The following TRDN variants were observed in gnomAD, a reference collection of about 807,000 sequenced individuals.
TRDN encodes triadin, also known as triadin in skeletal muscle.
Under a neutral mutation model 149.7 loss-of-function variants are expected in TRDN, and 161 were observed. That is an observed-to-expected ratio of 1.08 (90% CI 0.95 to 1.23). The LOEUF is 1.23. TRDN is among the 50% of genes most tolerant of loss of function. The pLI is 0.00. For synonymous variants in TRDN, 294 were observed against 250.5 expected (o/e 1.17, Z -1.64); for missense variants, 896 against 823.5 (o/e 1.09, Z -1.08).
At chr6:123,456,032 A>AC (rs1309927024) in intron 10 of TRDN, among the ~76,000 whole-genome samples, 2 of 152,204 alleles carry the variant, frequency 1.3e-5, no homozygotes, top group Non-Finnish European at 2.9e-5. Flanking sequence ...AACATACATT[A>AC]CCTTAAAGTA....
At chr6:123,244,166 C>CA (rs1776092096) in intron 38 of TRDN, among the ~76,000 whole-genome samples, 1 of 152,088 alleles carries the variant, frequency 6.6e-6, no homozygotes, top group Admixed American at 6.6e-5. Flanking sequence ...CTGAAAATTC[C>CA]AAAAACTAGA....
intron 24 of TRDN, among the ~76,000 whole-genome samples, chr6:123,314,393 T>G (rs897708892): frequency 9.9e-5 from 15 of 152,036 alleles, no homozygotes; most frequent in African/African-American, 3.4e-4. Flanking sequence ...TATACAATGT[T>G]GGTGGGACTG....
chr6:123,385,953 A>T (rs1353854567), intron 14 of TRDN, among the ~76,000 whole-genome samples: 1 of 152,118 alleles, frequency 6.6e-6, no homozygotes, highest in African/African-American at 2.4e-5. Flanking sequence ...AAAAAAAATC[A>T]TTCCTTGCCT....
intron 23 of TRDN, among the ~76,000 whole-genome samples, chr6:123,330,358 T>G (rs1289090170): frequency 1.3e-5 from 2 of 152,038 alleles, no homozygotes; most frequent in Non-Finnish European, 2.9e-5. Context: ...AATGTTTTGG[T>G]AAGTCCAGGA....
intron 38 of TRDN, among the ~76,000 whole-genome samples, chr6:123,235,521 T>A (rs535729646): frequency 6.6e-6 from 1 of 152,280 alleles, no homozygotes; most frequent in East Asian, 1.9e-4. Context: ...CAAAAAGCTA[T>A]CTTTCACAAG....
intron 19 of TRDN, among the ~76,000 whole-genome samples, chr6:123,367,338 G>A (rs1424751826): frequency 6.6e-6 from 1 of 151,912 alleles, no homozygotes; most frequent in East Asian, 1.9e-4. Context: ...GTATTTGTTT[G>A]TATCACCCTT....
In TRDN at chr6:123,219,285, C is replaced by G. The variant is rs558718231; in HGVS notation, c.2051-545G>C. ...CAAAGGTAGCAGCCAGGTAGCAGCT[C>G]TGAGTAGAAAGCAAAACAGGAAAGT... On this transcript the variant is annotated intron_variant, in intron 40 of 40. Coordinates refer to ENST00000334268, the MANE Select transcript of TRDN (RefSeq NM_006073.4). 1.1e-4 allele frequency among the ~76,000 whole-genome samples: 16 copies of G among 151,890 alleles called. No homozygotes were observed. In the South Asian group the frequency reaches 3.3e-3, roughly 32 times the overall value.
At chr6:123,628,546 C>G (rs1583347542) in intron 1 of TRDN, among the ~76,000 whole-genome samples, 1 of 152,064 alleles carries the variant, frequency 6.6e-6, no homozygotes, top group Admixed American at 6.5e-5. Flanking sequence ...GACACAGAGA[C>G]AGGAAATGAA....
At chr6:123,301,740 T>TATATATAC (rs1778404003) in intron 24 of TRDN, among the ~76,000 whole-genome samples, 1 of 131,034 alleles carries the variant, frequency 7.6e-6, no homozygotes, top group East Asian at 2.4e-4. Context: ...TATGTATGTA[T>TATATATAC]GTATATATAT....
rs534289772 is a variant in TRDN at position 123,584,121 on chromosome 6, A to G, written c.23-12989T>C. On this transcript the variant is annotated intron_variant, in intron 1 of 40. Transcript: ENST00000334268. ...AAATGGGGTGAATGTCAGGAGGATC[A>G]GACAGATACAGTCATGGAGGTCGGG... is the stretch of plus-strand genomic sequence containing the variant. 2.6e-5 allele frequency among the ~76,000 whole-genome samples: 4 copies of G among 152,300 alleles called. No individual in the cohort carries two copies. In the South Asian group the frequency reaches 8.3e-4, roughly 32 times the overall value.
intron 24 of TRDN, among the ~76,000 whole-genome samples, chr6:123,291,400 TA>T (rs879108833): frequency 6.6e-6 from 1 of 151,654 alleles, no homozygotes; most frequent in Non-Finnish European, 1.5e-5. Context: ...CTGTCTCTAC[TA>T]AAAAATACAA....
chr6:123,534,133 T>C (rs1780401052), intron 4 of TRDN, among the ~76,000 whole-genome samples: 1 of 152,034 alleles, frequency 6.6e-6, no homozygotes, highest in African/African-American at 2.4e-5. Flanking sequence ...CACAGTAAAG[T>C]CTCTAGAGCT....
Position 123,548,602 on chromosome 6 carries a change from A to C in TRDN, c.243T>G (p.Ile81Met). 1 of 1,427,936 alleles carries C rather than the reference A, an allele frequency of 7.0e-7. No individual in the cohort carries two copies. The highest frequency in any genetic ancestry group is 9.2e-7 in the Non-Finnish European group (1 of 1,090,780). The allele number at this position is 1,427,936 out of a possible 1,614,324, so 88.5% of individuals were successfully genotyped here. The part of the protein sequence containing the change: ...VDYKNFSASS[I>M]AKIGSDPLKL... The stretch of plus-strand genomic sequence containing the variant: ...TTAAAGGATCTGAGCCAATCTTGGC[A>C]ATAGAGCTTGCTAAAAGTAATTAAA... The change falls in exon 3 of 41, where the codon ATT (isoleucine) becomes ATG (methionine). Residue 81 changes from isoleucine to methionine, a missense_variant. Physicochemically the swap from Ile to Met is conservative, Grantham distance 10 (BLOSUM62 1). Coordinates refer to ENST00000334268, the MANE Select transcript of TRDN (RefSeq NM_006073.4).
intron 2 of TRDN, among the ~76,000 whole-genome samples, chr6:123,566,925 A>G (rs1782323665): frequency 6.6e-6 from 1 of 152,220 alleles, no homozygotes; most frequent in African/African-American, 2.4e-5. Context: ...ATTATCATTG[A>G]AAGGAATTTG....
intron 36 of TRDN, 80 bp downstream of exon 36, chr6:123,255,787 T>A (rs550866619): frequency 7.0e-5 from 70 of 996,868 alleles, no homozygotes; most frequent in Non-Finnish European, 9.3e-5. Context: ...TTTTTTTTCA[T>A]ATGATATAAA....
intron 10 of TRDN, among the ~76,000 whole-genome samples, chr6:123,456,518 G>C (rs1335610282): frequency 6.6e-6 from 1 of 151,844 alleles, no homozygotes; most frequent in African/African-American, 2.4e-5. Flanking sequence ...ACCCAGGCTA[G>C]AGTGCAGTCG....
chr6:123,317,877 TAGA>T (rs908477855), intron 23 of TRDN, among the ~76,000 whole-genome samples: 9 of 152,028 alleles, frequency 5.9e-5, no homozygotes, highest in African/African-American at 2.2e-4. Flanking sequence ...TCTGAAGTCC[TAGA>T]AGAAGTTGAT....
intron 4 of TRDN, among the ~76,000 whole-genome samples, chr6:123,540,707 A>G (rs1780787429): frequency 6.6e-6 from 1 of 151,976 alleles, no homozygotes; most frequent in South Asian, 2.1e-4. Flanking sequence ...TTTGGTGAAG[A>G]CGGTGTTTCA....
intron 2 of TRDN, among the ~76,000 whole-genome samples, chr6:123,565,772 C>T (rs1285447163): frequency 6.6e-6 from 1 of 152,224 alleles, no homozygotes; most frequent in African/African-American, 2.4e-5. Flanking sequence ...GCTTCTTCAG[C>T]GTCTCCAAAT....
Sources: allele counts gnomAD v4.1 joint callset (sites outside exome capture counted in the v4.1 genomes callset), GRCh38; gene constraint gnomAD v4.1.1; transcripts MANE v1.5; gene names NCBI Gene and HGNC (gene_info 2026-07-23, HGNC 2026-07-21).